The following UBN2 variants were observed in gnomAD, a reference collection of about 807,000 sequenced individuals.
The protein encoded by UBN2 is ubinuclein-2.
In UBN2, 35 loss-of-function variants were observed where a neutral mutation model predicts 120.2. That is an observed-to-expected ratio of 0.29 (90% CI 0.22 to 0.39). UBN2 has a LOEUF of 0.39. Among genes scored for constraint, UBN2 ranks in the 10% least tolerant of loss-of-function variants. The pLI is 1.00. For missense variants in UBN2, 1,693 were observed against 1,663.2 expected (o/e 1.02, Z -0.31); for synonymous variants, 661 against 648.7 (o/e 1.02, Z -0.29).
chr7:139,308,317 A>T (rs904486863), downstream of UBN2: 2 of 152,142 alleles, frequency 1.3e-5, no homozygotes, highest in South Asian at 2.1e-4. Context: ...TGCTGTCCAT[A>T]TCACACTGTG....
chr7:139,289,920 G>A (rs1021987430), intron 15 of UBN2, among the ~76,000 whole-genome samples: 1 of 151,242 alleles, frequency 6.6e-6, no homozygotes, highest in East Asian at 1.9e-4. Context: ...CCGAGACAGA[G>A]TCTTGCTCTG....
rs1381172402 is a variant in UBN2, at chr7:139,251,965, C to A, written c.571C>A (p.Pro191Thr). The A allele has an allele frequency of 3.7e-6, 6 of 1,613,900 alleles. No homozygotes were observed. The highest frequency in any genetic ancestry group is 5.1e-6 in the Non-Finnish European group (6 of 1,179,936). Reference sequence around the variant, plus strand: ...TATCTGTTCTTTGCAGGGTGGGAAACCCCGTAAACACCGGAAGGATCGGCT... The same window carrying A: ...TATCTGTTCTTTGCAGGGTGGGAAAACCCGTAAACACCGGAAGGATCGGCT... ...KKFEMKYGGKPRKHRKDRLQD... is the reference protein window; with the variant it reads ...KKFEMKYGGKTRKHRKDRLQD... Residue 191 changes from proline (P) to threonine (T), a missense_variant, in exon 3 of 18, where the codon CCC (proline) becomes ACC (threonine). By Grantham distance (38) the Pro-to-Thr change is conservative (BLOSUM62 -1). Coordinates refer to ENST00000473989, the MANE Select transcript of UBN2 (RefSeq NM_173569.4).
intron 15 of UBN2, among the ~76,000 whole-genome samples, chr7:139,289,745 A>T (rs1797896551): frequency 6.6e-6 from 1 of 151,048 alleles, no homozygotes; most frequent in Non-Finnish European, 1.5e-5. Context: ...CTTCAATTAC[A>T]CTCCTTCAGA....
rs551362450 is a variant in UBN2 at position 139,299,060 on chromosome 7, A to G, written c.*1224A>G. The G allele has an allele frequency of 1.3e-5, 2 of 152,210 alleles. No individual in the cohort carries two copies. The highest frequency in any genetic ancestry group is 2.4e-5 in the African/African-American group (1 of 41,470). The allele number at this position is 152,210 out of a possible 1,614,324, so 9.4% of individuals were successfully genotyped here. ...TTCACTATTTACTCAGTGTATTGGTATGTGAGTAAATCTGCAGAAAATAAG... is the reference window on the plus strand; with the variant it reads ...TTCACTATTTACTCAGTGTATTGGTGTGTGAGTAAATCTGCAGAAAATAAG... On this transcript the variant is annotated 3_prime_UTR_variant, in exon 18 of 18. Coordinates refer to ENST00000473989, the MANE Select transcript of UBN2 (RefSeq NM_173569.4).
the UBN2 span, among the ~76,000 whole-genome samples, chr7:139,327,401 G>A: frequency 6.6e-6 from 1 of 152,216 alleles, no homozygotes; most frequent in African/African-American, 2.4e-5. Context: ...GAATACCGCA[G>A]ACTAGGTAAT....
At chr7:139,311,659 T>G (rs1220274492), downstream of UBN2, among the ~76,000 whole-genome samples, 1 of 152,256 alleles carries the variant, frequency 6.6e-6, no homozygotes, top group African/African-American at 2.4e-5. Context: ...TCTTTTTACT[T>G]CTTAAATGTA....
chr7:139,255,204 G>A (rs1297063120), intron 3 of UBN2, among the ~76,000 whole-genome samples: 1 of 152,120 alleles, frequency 6.6e-6, no homozygotes, highest in Non-Finnish European at 1.5e-5. Context: ...CATATAGTAT[G>A]TAACTTTTAT....
intron 3 of UBN2, among the ~76,000 whole-genome samples, chr7:139,255,902 TCA>T (rs1360326303): frequency 6.6e-6 from 1 of 152,232 alleles, no homozygotes; most frequent in Non-Finnish European, 1.5e-5. Context: ...CAGGCATGAT[TCA>T]CACACTTTTA....
chr7:139,266,859 A>G (rs996405869), intron 7 of UBN2, among the ~76,000 whole-genome samples: 2 of 152,232 alleles, frequency 1.3e-5, no homozygotes, highest in Non-Finnish European at 2.9e-5. Flanking sequence ...GTACAGTTTT[A>G]TAAAGAAATT....
At chr7:139,246,232 G>A (rs1000069066) in intron 2 of UBN2, among the ~76,000 whole-genome samples, 1 of 152,122 alleles carries the variant, frequency 6.6e-6, no homozygotes, top group Non-Finnish European at 1.5e-5. Flanking sequence ...GGGTGTGGTA[G>A]TGCGCACCTG....
chr7:139,280,307 A>G (rs1797569323), intron 13 of UBN2, among the ~76,000 whole-genome samples: 1 of 152,240 alleles, frequency 6.6e-6, no homozygotes, highest in Non-Finnish European at 1.5e-5. Flanking sequence ...ATTTGACTGA[A>G]AAATTTTTAA....
chr7:139,276,677 C>T (rs1797451975), intron 12 of UBN2: 1 of 154,326 alleles, frequency 6.5e-6, no homozygotes, highest in Admixed American at 6.4e-5. Flanking sequence ...TTTCTGTGGT[C>T]ACCTTTTTGG....
the UBN2 span, among the ~76,000 whole-genome samples, chr7:139,323,933 C>A: frequency 1.3e-5 from 2 of 152,134 alleles, no homozygotes; most frequent in African/African-American, 4.8e-5. Context: ...GATCCATTAG[C>A]CCCATCTCAG....
chr7:139,273,604 G>A (rs1377186834), intron 10 of UBN2, among the ~76,000 whole-genome samples, 194 bp downstream of exon 10: 1 of 152,170 alleles, frequency 6.6e-6, no homozygotes, highest in Non-Finnish European at 1.5e-5. Flanking sequence ...CATATACACT[G>A]TAATACTTTT....
chr7:139,250,924 T>C (rs997748191), intron 2 of UBN2, among the ~76,000 whole-genome samples: 8 of 151,810 alleles, frequency 5.3e-5, no homozygotes, highest in Admixed American at 3.3e-4. Context: ...CTGGGCAACA[T>C]AGGGAGGCCC....
At chr7:139,256,415 A>G (rs1276127877) in intron 3 of UBN2, among the ~76,000 whole-genome samples, 1 of 152,198 alleles carries the variant, frequency 6.6e-6, no homozygotes, top group Non-Finnish European at 1.5e-5. Context: ...TTTATTTTAC[A>G]ATAAATTAGA....
Position 139,269,632 on chromosome 7 carries a change from T to C in UBN2, c.1596+109T>C, listed in dbSNP as rs532132647. 3.3e-6 allele frequency: 4 copies of C among 1,215,682 alleles called. No individual in the cohort carries two copies. In the African/African-American group the frequency reaches 6.1e-5, roughly 19 times the overall value. The allele number at this position is 1,215,682 out of a possible 1,614,324, so 75.3% of individuals were successfully genotyped here. A position where few individuals can be genotyped will look rare whatever the true frequency, so the allele number is the denominator to read the frequency against. On this transcript the variant is annotated intron_variant, in intron 8 of 17. Transcript: ENST00000473989. ...AATTGATTTATAGTCATATTGTATG[T>C]ATTTAATAACCATAGGAGGTTATTA...
chr7:139,284,360 C>T lies in UBN2; in HGVS notation c.3455C>T (p.Ser1152Leu). ...CAGGCCCCCTCAAAGCTAACAAACT[C>T]ATCATCCACTGGAACTGTTGGGAAG... The part of the protein sequence containing the change: ...NLQAPSKLTN[S>L]SSTGTVGKNS... Residue 1152 changes from serine to leucine, a missense_variant, in exon 15 of 18, where the codon TCA becomes TTA. By Grantham distance (145) the Ser-to-Leu change is moderately radical (BLOSUM62 -2). Around this residue, in one of 5 missense-constraint regions of UBN2, gnomAD observed 837 missense variants for 817.6 expected, o/e 1.02. Transcript: ENST00000473989. 6.2e-7 allele frequency: 1 copy of T among 1,614,206 alleles called. No individual in the cohort carries two copies. Among genetic ancestry groups the T allele is most frequent in the Non-Finnish European group, 8.5e-7 (1 of 1,180,032 alleles).
At chr7:139,279,740 C>T (rs1028890984) in intron 13 of UBN2, among the ~76,000 whole-genome samples, 2 of 152,228 alleles carry the variant, frequency 1.3e-5, no homozygotes, top group African/African-American at 4.8e-5. Flanking sequence ...GCATTTGGCA[C>T]TTTCTACCCA....
Sources: gnomAD v4.1 joint callset for allele counts (sites outside exome capture counted in the v4.1 genomes callset) on GRCh38, gnomAD v4.1.1 for gene constraint, gnomAD v4.1.1 regional missense constraint, MANE v1.5 for transcripts, NCBI Gene and HGNC (gene_info 2026-07-23, HGNC 2026-07-21) for gene names.